Variants in TRHDE observed in about 807,000 individuals in gnomAD.
The protein encoded by TRHDE is thyrotropin-releasing hormone-degrading ectoenzyme.
In TRHDE, 72 loss-of-function variants were observed where a neutral mutation model predicts 125.7. The observed-to-expected ratio is 0.57, with a 90% CI of 0.47 to 0.70. The LOEUF (loss-of-function observed/expected upper bound fraction) is 0.70. Ranked by LOEUF, TRHDE falls within the 30% of genes least tolerant of loss-of-function variation. The pLI is 0.00. For missense variants in TRHDE, 1,110 were observed against 1,327.1 expected (o/e 0.84, Z 2.54); for synonymous variants, 509 against 509.1 (o/e 1.00, Z 0.00).
chr12:72,361,788 C>A (rs1465707611), intron 2 of TRHDE, among the ~76,000 whole-genome samples: 1 of 142,858 alleles, frequency 7.0e-6, no homozygotes, highest in Non-Finnish European at 1.5e-5. Context: ...GTTCAATTCC[C>A]ACCTATGAGT....
intron 2 of TRHDE, among the ~76,000 whole-genome samples, chr12:72,189,412 C>T (rs1160525572): frequency 6.6e-6 from 1 of 152,152 alleles, no homozygotes; most frequent in Non-Finnish European, 1.5e-5. Flanking sequence ...ACCAACCCTC[C>T]AACTTTCCTG....
intron 12 of TRHDE, among the ~76,000 whole-genome samples, chr12:72,576,553 G>C (rs1199222593): frequency 1.3e-5 from 2 of 151,964 alleles, no homozygotes; most frequent in Non-Finnish European, 2.9e-5. Flanking sequence ...CAAAGCCAAA[G>C]TTTGGGATCA....
At chr12:72,231,789 C>T (rs1878251382) in intron 2 of TRHDE, among the ~76,000 whole-genome samples, 2 of 152,112 alleles carry the variant, frequency 1.3e-5, no homozygotes, top group Admixed American at 1.3e-4. Context: ...GTGGGGACAA[C>T]TGGAGTTAGG....
At chr12:72,196,956 C>G (rs1877458194) in intron 2 of TRHDE, among the ~76,000 whole-genome samples, 1 of 152,024 alleles carries the variant, frequency 6.6e-6, no homozygotes, top group African/African-American at 2.4e-5. Context: ...CTCCCTGAGC[C>G]CACTCCAATC....
At position 72,533,960 on chromosome 12, in the gene TRHDE, T is replaced by C. The variant is rs115957767; in HGVS notation, c.1723-8331T>C. Reference sequence around the variant, plus strand: ...TTTGAATGCCATTACCTGAGAATACTGAAAAAACATACGGCCTCAGTGAAA... The same window carrying C: ...TTTGAATGCCATTACCTGAGAATACCGAAAAAACATACGGCCTCAGTGAAA... On this transcript the variant is annotated intron_variant, in intron 6 of 18. Coordinates refer to ENST00000261180, the MANE Select transcript of TRHDE (RefSeq NM_013381.3). Among the ~76,000 whole-genome samples, 828 of 152,266 alleles carry C rather than the reference T, an allele frequency of 5.4e-3. 11 individuals carry two copies. The highest frequency in any genetic ancestry group is 0.018 in the African/African-American group (755 of 41,564).
At chr12:72,238,305 T>TACAC (rs1345448943) in intron 2 of TRHDE, among the ~76,000 whole-genome samples, 3 of 34,204 alleles carry the variant, frequency 8.8e-5, no homozygotes, top group Admixed American at 3.3e-4. Flanking sequence ...TATATATATA[T>TACAC]ATATATATAT....
intron 7 of TRHDE, among the ~76,000 whole-genome samples, chr12:72,548,169 T>C (rs1478150078): frequency 6.6e-6 from 1 of 151,798 alleles, no homozygotes; most frequent in African/African-American, 2.4e-5. Flanking sequence ...CCCAGTGTTG[T>C]TGAATTTCCC....
intron 2 of TRHDE, among the ~76,000 whole-genome samples, chr12:72,176,325 C>T (rs955275955): frequency 2.6e-5 from 4 of 152,108 alleles, no homozygotes; most frequent in African/African-American, 4.8e-5. Context: ...GAGCCAAGAT[C>T]GTGCCACTGC....
chr12:72,293,678 G>T (rs1478641305), intron 2 of TRHDE, among the ~76,000 whole-genome samples: 3 of 152,168 alleles, frequency 2.0e-5, no homozygotes, highest in African/African-American at 7.2e-5. Context: ...ATCATTGCTG[G>T]TTACTGTGTA....
intron 13 of TRHDE, 24 bp downstream of exon 13, chr12:72,619,062 C>T (rs377560355): frequency 1.3e-6 from 2 of 1,495,714 alleles, no homozygotes; most frequent in South Asian, 2.7e-5. Flanking sequence ...ATTTTTCTTT[C>T]TAATTTTTAG....
At chr12:72,138,278 G>A (rs1876035381) in intron 2 of TRHDE, among the ~76,000 whole-genome samples, 2 of 152,136 alleles carry the variant, frequency 1.3e-5, no homozygotes, top group Admixed American at 1.3e-4. Flanking sequence ...CGGAGGCTGA[G>A]GCAGGGGAAT....
intron 18 of TRHDE, among the ~76,000 whole-genome samples, chr12:72,660,471 G>A (rs1249588089): frequency 1.3e-5 from 2 of 152,234 alleles, no homozygotes; most frequent in South Asian, 2.1e-4. Context: ...CCTGGCACTG[G>A]CATTACCGCT....
chr12:72,445,445 C>A (rs1875230252), intron 3 of TRHDE, among the ~76,000 whole-genome samples: 1 of 151,914 alleles, frequency 6.6e-6, no homozygotes. Context: ...CACTCCCAAC[C>A]TGTTTCAGCA....
At chr12:72,498,422 C>T (rs533320465) in intron 5 of TRHDE, among the ~76,000 whole-genome samples, 1 of 152,218 alleles carries the variant, frequency 6.6e-6, no homozygotes, top group South Asian at 2.1e-4. Flanking sequence ...ATCTGCTGGG[C>T]TCAAAACTAG....
chr12:72,292,500 T>C (rs1880126411), intron 2 of TRHDE, among the ~76,000 whole-genome samples: 1 of 152,352 alleles, frequency 6.6e-6, no homozygotes, highest in East Asian at 1.9e-4. Flanking sequence ...GGTGGCACTT[T>C]GAGTGTTTTG....
chr12:72,564,117 CTA>C (rs1042274657), intron 9 of TRHDE, among the ~76,000 whole-genome samples: 17 of 152,162 alleles, frequency 1.1e-4, no homozygotes, highest in Admixed American at 3.9e-4. Flanking sequence ...GCAGTGTCTT[CTA>C]TCTCTCTCTC....
chr12:72,172,328 T>C (rs1381536646), intron 2 of TRHDE, among the ~76,000 whole-genome samples: 1 of 152,216 alleles, frequency 6.6e-6, no homozygotes, highest in Admixed American at 6.5e-5. Context: ...GCATGCCAGA[T>C]ACAATTCTAA....
At chr12:72,625,495 A>C (rs1236668217) in intron 15 of TRHDE, among the ~76,000 whole-genome samples, 1 of 151,844 alleles carries the variant, frequency 6.6e-6, no homozygotes, top group East Asian at 1.9e-4. Flanking sequence ...TAAAAATTCT[A>C]AGTAGAGGCA....
At chr12:72,602,673 A>G (rs964044019) in intron 12 of TRHDE, among the ~76,000 whole-genome samples, 14 of 152,332 alleles carry the variant, frequency 9.2e-5, no homozygotes, top group African/African-American at 2.9e-4. Context: ...CTAAATCACC[A>G]CAATGAGAAC....
Sources: gnomAD v4.1 joint callset for allele counts (sites outside exome capture counted in the v4.1 genomes callset) on GRCh38, gnomAD v4.1.1 for gene constraint, MANE v1.5 for transcripts, NCBI Gene and HGNC (gene_info 2026-07-23, HGNC 2026-07-21) for gene names.